Variants in NLGN1 observed in about 807,000 individuals in gnomAD.
NLGN1 encodes the protein neuroligin-1.
NLGN1 carries 12 observed loss-of-function variants against 65.5 expected under a neutral mutation model. That is an observed-to-expected ratio of 0.18 (90% confidence interval 0.12 to 0.30). The LOEUF (loss-of-function observed/expected upper bound fraction) is 0.30, where lower values mean the gene tolerates loss of function less well. NLGN1 is among the 10% of genes least tolerant of loss of function. The pLI, the probability that NLGN1 is intolerant of heterozygous loss-of-function variation, is 1.00. For synonymous variants in NLGN1, 350 were observed against 359.5 expected (o/e 0.97, Z 0.30); for missense variants, 750 against 1,007.1 (o/e 0.74, Z 3.46).
At chr3:174,170,694 T>A (rs534010268) in intron 4 of NLGN1, among the ~76,000 whole-genome samples, 1 of 152,324 alleles carries the variant, frequency 6.6e-6, no homozygotes, top group African/African-American at 2.4e-5. Flanking sequence ...CATATGGCAC[T>A]AGCTAATGTG....
At chr3:173,562,420 G>A (rs1742891706) in intron 2 of NLGN1, among the ~76,000 whole-genome samples, 1 of 151,928 alleles carries the variant, frequency 6.6e-6, no homozygotes, top group Admixed American at 6.6e-5. Context: ...ATAAAAAATT[G>A]ACTGGGTATG....
intron 4 of NLGN1, among the ~76,000 whole-genome samples, chr3:174,212,269 C>T (rs1008964705): frequency 2.0e-5 from 3 of 152,206 alleles, no homozygotes; most frequent in Admixed American, 6.5e-5. Flanking sequence ...GCTCTGAGTG[C>T]GGGGCCCTCC....
At chr3:174,006,038 A>T (rs1211354659) in intron 4 of NLGN1, among the ~76,000 whole-genome samples, 1 of 151,932 alleles carries the variant, frequency 6.6e-6, no homozygotes, top group Non-Finnish European at 1.5e-5. Context: ...ACCCCCTCCA[A>T]ACCTAACAGG....
intron 2 of NLGN1, among the ~76,000 whole-genome samples, chr3:173,495,602 T>A (rs1729877374): frequency 6.6e-6 from 1 of 150,844 alleles, no homozygotes; most frequent in Non-Finnish European, 1.5e-5. Flanking sequence ...AAGTTAGATA[T>A]TAGCTGTAGC....
chr3:173,708,294 C>T (rs542524590), intron 3 of NLGN1, among the ~76,000 whole-genome samples: 4 of 152,260 alleles, frequency 2.6e-5, no homozygotes, highest in Non-Finnish European at 4.4e-5. Context: ...CTCCTGCATC[C>T]GACCTTGGCT....
chr3:173,739,954 C>G (rs1774378929), intron 3 of NLGN1, among the ~76,000 whole-genome samples: 1 of 152,082 alleles, frequency 6.6e-6, no homozygotes, highest in African/African-American at 2.4e-5. Flanking sequence ...CATTTCCTAA[C>G]AGACAGTTTA....
At chr3:173,552,753 G>T (rs1741083373) in intron 2 of NLGN1, among the ~76,000 whole-genome samples, 1 of 152,102 alleles carries the variant, frequency 6.6e-6, no homozygotes, top group African/African-American at 2.4e-5. Context: ...CAGGCCAGTT[G>T]CAGTTTTGCC....
At chr3:173,716,773 T>A (rs1769923483) in intron 3 of NLGN1, among the ~76,000 whole-genome samples, 1 of 152,196 alleles carries the variant, frequency 6.6e-6, no homozygotes, top group Non-Finnish European at 1.5e-5. Flanking sequence ...ATTTGATATG[T>A]TGGCCTTTTA....
chr3:173,751,577 A>AT (rs1332152178), intron 3 of NLGN1, among the ~76,000 whole-genome samples: 31 of 152,208 alleles, frequency 2.0e-4, no homozygotes, highest in African/African-American at 7.2e-4. Flanking sequence ...AGGCCTTGTT[A>AT]TGCTAATAAT....
exon 7 of NLGN1, chr3:174,281,605 G>A: frequency 7.3e-6 from 2 of 274,782 alleles, no homozygotes; most frequent in Non-Finnish European, 6.8e-6. Context: ...ACACCAAACA[G>A]GAAAGAACTA....
At chr3:173,953,327 G>A (rs1748590025) in intron 4 of NLGN1, among the ~76,000 whole-genome samples, 1 of 151,870 alleles carries the variant, frequency 6.6e-6, no homozygotes, top group Admixed American at 6.6e-5. Flanking sequence ...GATGAACTTT[G>A]TTTAAACAAA....
intron 4 of NLGN1, among the ~76,000 whole-genome samples, chr3:174,266,178 TGA>T (rs1561429787): frequency 1.3e-5 from 2 of 151,822 alleles, no homozygotes; most frequent in Non-Finnish European, 2.9e-5. Flanking sequence ...ACATAGTATC[TGA>T]TAGTTTTTTC....
chr3:174,046,315 A>G (rs1733585206), intron 4 of NLGN1, among the ~76,000 whole-genome samples: 1 of 152,106 alleles, frequency 6.6e-6, no homozygotes, highest in Non-Finnish European at 1.5e-5. Flanking sequence ...GCACAATAAG[A>G]TATTCCTTCC....
chr3:173,478,492 T>C (rs1726652894), intron 2 of NLGN1, among the ~76,000 whole-genome samples: 1 of 152,140 alleles, frequency 6.6e-6, no homozygotes, highest in Admixed American at 6.6e-5. Context: ...CAAACCACCA[T>C]GGCACATGTT....
intron 4 of NLGN1, among the ~76,000 whole-genome samples, chr3:173,955,925 AC>A (rs1451441517): frequency 1.3e-5 from 2 of 152,150 alleles, no homozygotes; most frequent in Non-Finnish European, 2.9e-5. Context: ...CATTCCGAAT[AC>A]ACAAGAATAC....
At chr3:173,600,067 A>G (rs1371463603) in intron 2 of NLGN1, among the ~76,000 whole-genome samples, 1 of 151,984 alleles carries the variant, frequency 6.6e-6, no homozygotes, top group Non-Finnish European at 1.5e-5. Context: ...ATGCTTTAGA[A>G]CCTCAGTTTT....
chr3:173,505,195 T>G (rs1046325707), intron 2 of NLGN1, among the ~76,000 whole-genome samples: 1 of 152,068 alleles, frequency 6.6e-6, no homozygotes, highest in Non-Finnish European at 1.5e-5. Flanking sequence ...TTCATCTTCT[T>G]TATTAAGACA....
intron 4 of NLGN1, among the ~76,000 whole-genome samples, chr3:174,057,346 G>A (rs1291746183): frequency 6.6e-6 from 1 of 152,060 alleles, no homozygotes; most frequent in Non-Finnish European, 1.5e-5. Flanking sequence ...AGCACCTTAT[G>A]GAGATGTGTA....
chr3:173,820,831 T>C (rs901654709), intron 4 of NLGN1, among the ~76,000 whole-genome samples: 1 of 152,186 alleles, frequency 6.6e-6, no homozygotes, highest in Non-Finnish European at 1.5e-5. Flanking sequence ...TCACTTTATA[T>C]AGATAATAGG....
Sources: gnomAD v4.1 joint callset for allele counts (sites outside exome capture counted in the v4.1 genomes callset) on GRCh38, gnomAD v4.1.1 for gene constraint, MANE v1.5 for transcripts, NCBI Gene and HGNC (gene_info 2026-07-23, HGNC 2026-07-21) for gene names.